Variants in LHX6 observed in about 807,000 individuals in gnomAD.
LHX6 encodes LIM homeobox 6.
Under a neutral mutation model 47.1 loss-of-function variants are expected in LHX6, and 15 were observed. The ratio of observed to expected loss-of-function variants is 0.32; its 90% CI spans 0.21 to 0.49. The LOEUF (loss-of-function observed/expected upper bound fraction) is 0.49, where lower values mean the gene tolerates loss of function less well. Among genes scored for constraint, LHX6 ranks in the 20% least tolerant of loss-of-function variants. The probability of loss-of-function intolerance (pLI) is 0.99; values close to 1 mark genes in which losing one functional copy is unlikely to be tolerated. For synonymous variants in LHX6, 242 were observed against 233.5 expected (o/e 1.04, Z -0.33); for missense variants, 404 against 539.6 (o/e 0.75, Z 2.49).
At chr9:122,218,183 A>G (rs7846844) in intron 4 of LHX6, among the ~76,000 whole-genome samples, 28,155 of 152,044 alleles carry the variant, frequency 0.19, 3,046 homozygotes, top group Admixed American at 0.28. Context: ...TCCAGGAGGC[A>G]GCGGAGTCTG....
At chr9:122,205,092 G>A (rs1005272396) in intron 9 of LHX6, among the ~76,000 whole-genome samples, 2 of 152,190 alleles carry the variant, frequency 1.3e-5, no homozygotes, top group African/African-American at 4.8e-5. Context: ...CTGATTTCAC[G>A]GAAGCCGCAC....
At chr9:122,227,108 C>T in intron 2 of LHX6, 78 bp from the exon 3 acceptor site, 1 of 1,309,466 alleles carries the variant, frequency 7.6e-7, no homozygotes. Flanking sequence ...AAATCTGGGG[C>T]CCCCGAGCAC....
In LHX6 at chr9:122,226,967, A is replaced by T. The variant is rs748326948; in HGVS notation, c.220T>A (p.Cys74Ser). The change falls in exon 3 of 10, where the codon TGT becomes AGT. Residue 74 changes from cysteine to serine, a missense_variant. By Grantham distance (112) the Cys-to-Ser change is moderately radical. This residue lies in a region of LHX6 where 144 missense variants were observed against 128.7 expected (regional missense o/e 1.12). Transcript: ENST00000394319. The surrounding 1 kb of genome is among the most constrained non-coding windows in gnomAD (Gnocchi z 6.5). Reference protein sequence around the residue: ...LDKDEGQASPCTPSTPSVCSP... With the variant: ...LDKDEGQASPSTPSTPSVCSP... ...CAGACAGATGGCGTGCTGGGCGTACATGGGGAGGCCTGACCCTCGTCCTTG... is the reference window on the plus strand; with the variant it reads ...CAGACAGATGGCGTGCTGGGCGTACTTGGGGAGGCCTGACCCTCGTCCTTG... The T allele has an allele frequency of 1.3e-6, 2 of 1,552,076 alleles. No homozygotes were observed. Among genetic ancestry groups the T allele is most frequent in the Non-Finnish European group, 8.7e-7 (1 of 1,147,996 alleles).
At chr9:122,227,824 G>A in intron 1 of LHX6, 1 of 353,470 alleles carries the variant, frequency 2.8e-6, no homozygotes, top group Non-Finnish European at 5.1e-6. Flanking sequence ...TGTCGTGAAT[G>A]CCCAAGATAA....
At chr9:122,207,373 A>C (rs1260717437) in intron 9 of LHX6, among the ~76,000 whole-genome samples, 1 of 152,236 alleles carries the variant, frequency 6.6e-6, no homozygotes. Flanking sequence ...CAGACTTCAG[A>C]GTCCGACAGA....
In LHX6 at chr9:122,226,329, C is replaced by A; in HGVS notation, c.461+47G>T. On this transcript the variant is annotated intron_variant, in intron 4 of 9. Coordinates refer to ENST00000394319, the MANE Select transcript of LHX6 (RefSeq NM_014368.5). The surrounding 1 kb of genome is among the most constrained non-coding windows in gnomAD (Gnocchi z 6.5). ...CGCAAAAGTGGCCTCCGAATGCGCC[C>A]GGGGCCTGCCCTCGGCGACACTGCT... 4 of 1,580,048 alleles carry A rather than the reference C, an allele frequency of 2.5e-6. No individual in the cohort carries two copies. Among genetic ancestry groups the A allele is most frequent in the Middle Eastern group, 3.6e-4 (2 of 5,616 alleles).
rs1830503599 is a variant in LHX6 at position 122,214,123 on chromosome 9, G to C, written c.784-54C>G. The C allele has an allele frequency of 6.6e-7, 1 of 1,519,496 alleles. No individual in the cohort carries two copies. The allele number at this position is 1,519,496 out of a possible 1,614,324, so 94.1% of individuals were successfully genotyped here. A position where few individuals can be genotyped will look rare whatever the true frequency, so the allele number is the denominator to read the frequency against. On this transcript the variant is annotated intron_variant, in intron 6 of 9. Coordinates refer to ENST00000394319, the MANE Select transcript of LHX6 (RefSeq NM_014368.5). This position sits in a 1 kb window ranked among gnomAD's most constrained non-coding sequence, Gnocchi z 4.6. The stretch of plus-strand genomic sequence containing the variant: ...TCGCACGCAGAGACTCCGAGACCCC[G>C]GCCCAATCAGCGGCGCCAGTCCACA...
chr9:122,220,541 G>C (rs1830804854), intron 4 of LHX6, among the ~76,000 whole-genome samples: 1 of 152,222 alleles, frequency 6.6e-6, no homozygotes, highest in Non-Finnish European at 1.5e-5. Flanking sequence ...CAGCGAAATC[G>C]GCGGCGGAGA....
Position 122,204,221 on chromosome 9 carries a change from C to T in LHX6, c.*539G>A, listed in dbSNP as rs1445730738. 1 of 153,674 alleles carries T rather than the reference C, an allele frequency of 6.5e-6. No homozygotes were observed. The highest frequency in any genetic ancestry group is 1.9e-4 in the East Asian group (1 of 5,234). 9.5% of individuals were successfully genotyped at this position (153,674 alleles called of 1,614,324 possible). A position where few individuals can be genotyped will look rare whatever the true frequency, so the allele number is the denominator to read the frequency against. The stretch of plus-strand genomic sequence containing the variant: ...TCTTTCTGAATTAACTTGACATAAC[C>T]AGACAGATGGAAATGATAAAATTAG... On this transcript the variant is annotated 3_prime_UTR_variant, in exon 10 of 10. Coordinates refer to ENST00000394319, the MANE Select transcript of LHX6 (RefSeq NM_014368.5).
chr9:122,204,832 G>T, intron 9 of LHX6, 52 bp from the exon 10 acceptor site: 1 of 1,345,386 alleles, frequency 7.4e-7, no homozygotes, highest in South Asian at 1.4e-5. Context: ...GCCCCACCCT[G>T]CTGCCCCCCA....
intron 4 of LHX6, among the ~76,000 whole-genome samples, chr9:122,223,254 G>T (rs1462481454): frequency 6.6e-6 from 1 of 152,196 alleles, no homozygotes; most frequent in Admixed American, 6.5e-5. Context: ...TCAACCCAGG[G>T]AATGTGAGCT....
Position 122,227,499 on chromosome 9 carries a change from G to GGGGGGGGC in LHX6, c.85-20_85-19insGCCCCCCC. On this transcript the variant is annotated intron_variant, in intron 1 of 9. Coordinates refer to ENST00000394319, the MANE Select transcript of LHX6 (RefSeq NM_014368.5). ...CCATCACCTGGGGGAGGGGGGGAGG[G>GGGGGGGGC]AACGCAGGCGGCGGCGGCTGCTGAA... The GGGGGGGGC allele has an allele frequency of 1.5e-6, 1 of 656,298 alleles. No individual in the cohort carries two copies. The highest frequency in any genetic ancestry group is 2.5e-6 in the Non-Finnish European group (1 of 401,608). 40.7% of individuals were successfully genotyped at this position (656,298 alleles called of 1,614,324 possible). A position where few individuals can be genotyped will look rare whatever the true frequency, so the allele number is the denominator to read the frequency against.
intron 4 of LHX6, among the ~76,000 whole-genome samples, chr9:122,224,719 GCACA>G (rs1198092197): frequency 6.6e-6 from 1 of 151,606 alleles, no homozygotes; most frequent in African/African-American, 2.4e-5. Flanking sequence ...ACACACACAT[GCACA>G]CACACAGTCT....
rs1018884481 is a variant in LHX6 at position 122,204,416 on chromosome 9, C to T, written c.*344G>A. On this transcript the variant is annotated 3_prime_UTR_variant, in exon 10 of 10. Transcript: ENST00000394319. ...GAAAAAAACCTGTAAATGAGAAGGC[C>T]GTTGGCATCGCACAATTCAATTCCG... 2 of 359,058 alleles carry T rather than the reference C, an allele frequency of 5.6e-6. No individual in the cohort carries two copies. The highest frequency in any genetic ancestry group is 4.1e-5 in the East Asian group (1 of 24,542). The allele number at this position is 359,058 out of a possible 1,614,324, so 22.2% of individuals were successfully genotyped here. A position where few individuals can be genotyped will look rare whatever the true frequency, so the allele number is the denominator to read the frequency against.
At chr9:122,208,792 G>T (rs1396780604) in intron 9 of LHX6, among the ~76,000 whole-genome samples, 3 of 144,426 alleles carry the variant, frequency 2.1e-5, no homozygotes, top group Admixed American at 7.2e-5. Flanking sequence ...CCGAGATTGC[G>T]CCATTGCACT....
chr9:122,226,988 C>T lies in LHX6; in HGVS notation c.199G>A (p.Asp67Asn), dbSNP rs1831130553. Residue 67 changes from aspartate (D) to asparagine (N), a missense_variant, in exon 3 of 10, where the codon GAC becomes AAC. Around this residue, in one of 7 missense-constraint regions of LHX6, gnomAD observed 144 missense variants for 128.7 expected, o/e 1.12. Coordinates refer to ENST00000394319, the MANE Select transcript of LHX6 (RefSeq NM_014368.5). The surrounding 1 kb of genome is among the most constrained non-coding windows in gnomAD (Gnocchi z 6.5). ...AEALAGALDK[D>N]EGQASPCTPS... ...GTACATGGGGAGGCCTGACCCTCGT[C>T]CTTGTCCAGAGCTCCTGCCAGGGCC... 3 of 1,538,482 alleles carry T rather than the reference C, an allele frequency of 1.9e-6. No homozygotes were observed. The highest frequency in any genetic ancestry group is 2.6e-6 in the Non-Finnish European group (3 of 1,140,934).
At chr9:122,220,649 C>A (rs963443543) in intron 4 of LHX6, among the ~76,000 whole-genome samples, 2 of 152,234 alleles carry the variant, frequency 1.3e-5, no homozygotes, top group Admixed American at 6.5e-5. Flanking sequence ...GCTGTGAGGT[C>A]CGGGCCTTGC....
In LHX6 at chr9:122,204,006, G is replaced by A. The variant is rs552446731; in HGVS notation, c.*754C>T. 7.4e-4 allele frequency: 113 copies of A among 152,354 alleles called. No individual in the cohort carries two copies. The highest frequency in any genetic ancestry group is 2.6e-3 in the African/African-American group (108 of 41,568). The allele number at this position is 152,354 out of a possible 1,614,324, so 9.4% of individuals were successfully genotyped here. A position where few individuals can be genotyped will look rare whatever the true frequency, so the allele number is the denominator to read the frequency against. ...GGTAGGGTCTCTCCCTGACCCCAGA[G>A]TTTTCTCTTTCCTCTCCTTAAAATG... is the stretch of plus-strand genomic sequence containing the variant. On this transcript the variant is annotated 3_prime_UTR_variant, in exon 10 of 10. Transcript: ENST00000394319.
intron 4 of LHX6, among the ~76,000 whole-genome samples, chr9:122,219,333 G>T (rs1250274144): frequency 1.3e-5 from 2 of 152,292 alleles, no homozygotes; most frequent in Non-Finnish European, 2.9e-5. Context: ...TGAATCCACC[G>T]CTCCCCTAAG....
Sources: gnomAD v4.1 joint callset for allele counts (sites outside exome capture counted in the v4.1 genomes callset) on GRCh38, gnomAD v4.1.1 for gene constraint, gnomAD v4.1.1 regional missense constraint, Gnocchi (gnomAD v3.1) non-coding constraint, MANE v1.5 for transcripts, NCBI Gene and HGNC (gene_info 2026-07-23, HGNC 2026-07-21) for gene names.